AKNA: variants seen among roughly 807,000 people sequenced by gnomAD.
The protein encoded by AKNA is AT-hook transcription factor.
Under a neutral mutation model 138.8 loss-of-function variants are expected in AKNA, and 67 were observed. The observed-to-expected ratio is 0.48, with a 90% CI of 0.40 to 0.59. The LOEUF is 0.59. Ranked by LOEUF, AKNA falls within the 20% of genes least tolerant of loss-of-function variation. The pLI is 0.00. For synonymous variants in AKNA, 737 were observed against 754.4 expected (o/e 0.98, Z 0.38); for missense variants, 1,813 against 1,880.4 (o/e 0.96, Z 0.66).
chr9:114,346,811 C>A, intron 16 of AKNA, 27 bp from the exon 17 acceptor site: 1 of 1,594,736 alleles, frequency 6.3e-7, no homozygotes, highest in South Asian at 1.1e-5. Flanking sequence ...GAGATGATGT[C>A]ATTGGATGAG....
At chr9:114,331,928 A>C, downstream of AKNA, 1 of 1,613,342 alleles carries the variant, frequency 6.2e-7, no homozygotes, top group Non-Finnish European at 8.5e-7. Context: ...GACTGGAAAA[A>C]GGTAAACGCA....
intron 14 of AKNA, 136 bp from the exon 15 acceptor site, chr9:114,351,157 G>A (rs1564625233): frequency 3.4e-6 from 3 of 894,364 alleles, no homozygotes; most frequent in Non-Finnish European, 5.1e-6. Context: ...TCCTGATGAG[G>A]CCAATGACCC....
At chr9:114,370,124 G>A (rs1439808777) in intron 4 of AKNA, among the ~76,000 whole-genome samples, 1 of 152,234 alleles carries the variant, frequency 6.6e-6, no homozygotes, top group African/African-American at 2.4e-5. Flanking sequence ...AGGCAAGCAG[G>A]CTCTCTTGCT....
chr9:114,391,893 CAA>C (rs1416990330), upstream of AKNA, among the ~76,000 whole-genome samples: 1 of 116,146 alleles, frequency 8.6e-6, no homozygotes, highest in Admixed American at 8.9e-5. Flanking sequence ...ACAAAAACAA[CAA>C]AAAAAACCTC....
At chr9:114,363,729 A>G (rs1013633745) in intron 7 of AKNA, among the ~76,000 whole-genome samples, 1 of 152,060 alleles carries the variant, frequency 6.6e-6, no homozygotes, top group African/African-American at 2.4e-5. Context: ...GGGACCTATG[A>G]GAGATCACAG....
intron 1 of AKNA, among the ~76,000 whole-genome samples, 190 bp from the exon 2 acceptor site, chr9:114,381,636 A>T (rs1833679608): frequency 7.1e-6 from 1 of 140,452 alleles, no homozygotes; most frequent in African/African-American, 2.6e-5. Flanking sequence ...TGGGATAATA[A>T]TTCCTCTCTC....
chr9:114,374,200 G>A (rs372943702), intron 3 of AKNA, 33 bp from the exon 4 acceptor site: 23 of 1,545,812 alleles, frequency 1.5e-5, no homozygotes, highest in East Asian at 4.9e-5. Context: ...GGTCACATGC[G>A]CAGGCACACA....
chr9:114,353,064 G>A (rs1335017336), intron 14 of AKNA, among the ~76,000 whole-genome samples: 1 of 152,296 alleles, frequency 6.6e-6, no homozygotes, highest in East Asian at 1.9e-4. Context: ...GTTTCTTGGT[G>A]TCTGTTCACC....
downstream of AKNA, chr9:114,330,647 T>A: frequency 1.9e-6 from 3 of 1,598,838 alleles, no homozygotes; most frequent in Non-Finnish European, 1.7e-6. Flanking sequence ...TCCCTCCTTC[T>A]TCCTGGCCTT....
At chr9:114,370,947 C>T (rs571670863) in intron 4 of AKNA, among the ~76,000 whole-genome samples, 2 of 152,318 alleles carry the variant, frequency 1.3e-5, no homozygotes, top group East Asian at 3.9e-4. Flanking sequence ...CTCCGTAATT[C>T]CTTCTTGGGT....
downstream of AKNA, among the ~76,000 whole-genome samples, chr9:114,332,740 G>T (rs1349003940): frequency 6.6e-6 from 1 of 152,172 alleles, no homozygotes; most frequent in Non-Finnish European, 1.5e-5. Flanking sequence ...AGGCCACCCT[G>T]CTCCTCAGTT....
chr9:114,379,428 T>C (rs1589025182), intron 2 of AKNA, among the ~76,000 whole-genome samples: 1 of 152,214 alleles, frequency 6.6e-6, no homozygotes, highest in African/African-American at 2.4e-5. Flanking sequence ...CAGGAAGAGA[T>C]GCCTCTGCCC....
downstream of AKNA, chr9:114,331,864 T>C: frequency 6.2e-7 from 1 of 1,613,558 alleles, no homozygotes; most frequent in Non-Finnish European, 8.5e-7. Context: ...ACTGGGAGAG[T>C]TCTACGAAGC....
At position 114,347,900 on chromosome 9, in the gene AKNA, G is replaced by T. The variant is rs10982174; in HGVS notation, c.3222C>A (p.Asp1074Glu). The T allele has an allele frequency of 2.6e-6, 4 of 1,551,176 alleles. No homozygotes were observed. In the East Asian group the frequency reaches 7.4e-5, roughly 29 times the overall value. The change falls in exon 16 of 22, where the codon GAC becomes GAA. Residue 1074 changes from aspartate to glutamate, a missense_variant and splice_region_variant. Physicochemically the swap from Asp to Glu is conservative, Grantham distance 45. Transcript: ENST00000374088. ...PSFLLTRAGR[D>E]QAICELQEEV... Reference sequence around the variant, plus strand: ...CTTCTTGCAGCTCACAGATGGCCTGGCTGGGGTTGGAGTGGAGACAGAAAC... The same window carrying T: ...CTTCTTGCAGCTCACAGATGGCCTGTCTGGGGTTGGAGTGGAGACAGAAAC...
At chr9:114,370,119 A>T (rs1037248965) in intron 4 of AKNA, among the ~76,000 whole-genome samples, 3 of 152,236 alleles carry the variant, frequency 2.0e-5, no homozygotes, top group Middle Eastern at 3.2e-3. Context: ...CCCCCAGGCA[A>T]GCAGGCTCTC....
chr9:114,352,770 A>C (rs1260369596), intron 14 of AKNA, among the ~76,000 whole-genome samples: 11 of 151,924 alleles, frequency 7.2e-5, no homozygotes, highest in African/African-American at 2.7e-4. Flanking sequence ...AAAATACAAA[A>C]ATTAGCCAGG....
rs772964645 is a variant in AKNA at position 114,337,154 on chromosome 9, T to C, written c.4220A>G (p.Gln1407Arg). The C allele has an allele frequency of 4.3e-6, 7 of 1,610,910 alleles. No homozygotes were observed. The highest frequency in any genetic ancestry group is 5.1e-6 in the Non-Finnish European group (6 of 1,178,332). The change falls in exon 22 of 22, where the codon CAG (glutamine) becomes CGG (arginine). Residue 1407 changes from glutamine (Q) to arginine (R), a missense_variant. Physicochemically the swap from Gln to Arg is conservative, Grantham distance 43. Coordinates refer to ENST00000374088, the MANE Select transcript of AKNA (RefSeq NM_001317950.2). ...GGTAGAGCGGACGCTCTCGGCAGCCTGCACGGCCCGGCTCAGGGCCTTGTT... is the reference window on the plus strand; with the variant it reads ...GGTAGAGCGGACGCTCTCGGCAGCCCGCACGGCCCGGCTCAGGGCCTTGTT... ...ELNKALSRAV[Q>R]AAESVRSTTR... is the part of the protein sequence containing the mutation.
downstream of AKNA, chr9:114,331,562 T>C (rs1829851431): frequency 1.2e-6 from 2 of 1,611,832 alleles, no homozygotes; most frequent in Non-Finnish European, 1.7e-6. Context: ...CTTTTTCTCT[T>C]CCAGAGGGAG....
In AKNA at chr9:114,336,164, T is replaced by C. The variant is rs1301287732; in HGVS notation, c.*890A>G. The C allele has an allele frequency of 6.6e-6, 1 of 152,670 alleles. No homozygotes were observed. Among genetic ancestry groups the C allele is most frequent in the East Asian group, 1.9e-4 (1 of 5,206 alleles). The allele number at this position is 152,670 out of a possible 1,614,324, so 9.5% of individuals were successfully genotyped here. A position where few individuals can be genotyped will look rare whatever the true frequency, so the allele number is the denominator to read the frequency against. On this transcript the variant is annotated 3_prime_UTR_variant, in exon 22 of 22. Coordinates refer to ENST00000374088, the MANE Select transcript of AKNA (RefSeq NM_001317950.2). Reference sequence around the variant, plus strand: ...TTTTTTTTGTCTTCTTTTCTTTTTTTAAGATCAATATTCATTCTTCATTTG... The same window carrying C: ...TTTTTTTTGTCTTCTTTTCTTTTTTCAAGATCAATATTCATTCTTCATTTG...
Sources: allele counts gnomAD v4.1 joint callset (sites outside exome capture counted in the v4.1 genomes callset), GRCh38; gene constraint gnomAD v4.1.1; transcripts MANE v1.5; gene names NCBI Gene and HGNC (gene_info 2026-07-23, HGNC 2026-07-21).